The following UCK2 variants were observed in gnomAD, a reference collection of about 807,000 sequenced individuals.
UCK2 encodes uridine-cytidine kinase 2, also known as cytidine monophosphokinase 2.
UCK2 carries 6 observed loss-of-function variants against 30.8 expected under a neutral mutation model. That is an observed-to-expected ratio of 0.19 (90% CI 0.11 to 0.38). The LOEUF is 0.38. Ranked by LOEUF, UCK2 falls within the 10% of genes least tolerant of loss-of-function variation. The pLI, the probability that UCK2 is intolerant of heterozygous loss-of-function variation, is 1.00. For missense variants in UCK2, 210 were observed against 339.8 expected (o/e 0.62, Z 3.00); for synonymous variants, 125 against 133.6 (o/e 0.94, Z 0.45).
rs999364890 is a variant in UCK2, at chr1:165,836,265, A to G, written c.99+8333A>G. ...CAAAACAAAAAAAACAACCAAATGGATATGTTATACATTTTTTTGAAGAAA... is the reference window on the plus strand; with the variant it reads ...CAAAACAAAAAAAACAACCAAATGGGTATGTTATACATTTTTTTGAAGAAA... On this transcript the variant is annotated intron_variant, in intron 1 of 6. Coordinates refer to ENST00000367879, the MANE Select transcript of UCK2 (RefSeq NM_012474.5). Among the ~76,000 whole-genome samples, 6 of 152,104 alleles carry G rather than the reference A, an allele frequency of 3.9e-5. No individual in the cohort carries two copies. In the East Asian group the frequency reaches 1.2e-3, roughly 29 times the overall value.
intron 1 of UCK2, among the ~76,000 whole-genome samples, chr1:165,850,129 T>C (rs1296733209): frequency 2.6e-5 from 4 of 152,198 alleles, no homozygotes; most frequent in Non-Finnish European, 5.9e-5. Context: ...AAACTGTTTT[T>C]ATTTTTATTT....
rs1655730856 is a variant in UCK2, at chr1:165,890,188, T to G, written c.100-16T>G. On this transcript the variant is annotated splice_polypyrimidine_tract_variant and intron_variant, in intron 1 of 6. Transcript: ENST00000367879. Reference sequence around the variant, plus strand: ...CCCTTTCTCTTATTCCTGGGTGCTCTCTTCTCTCCTCACAGTCTTCCGTGT... The same window carrying G: ...CCCTTTCTCTTATTCCTGGGTGCTCGCTTCTCTCCTCACAGTCTTCCGTGT... 1 of 1,613,610 alleles carries G rather than the reference T, an allele frequency of 6.2e-7. No homozygotes were observed. The highest frequency in any genetic ancestry group is 8.5e-7 in the Non-Finnish European group (1 of 1,179,792).
At chr1:165,855,112 T>C (rs1377323712) in intron 1 of UCK2, among the ~76,000 whole-genome samples, 3 of 152,196 alleles carry the variant, frequency 2.0e-5, no homozygotes, top group Admixed American at 6.5e-5. Flanking sequence ...AGCCTATGTT[T>C]CTCCCACCCA....
At chr1:165,828,184 C>A (rs892377765) in intron 1 of UCK2, among the ~76,000 whole-genome samples, 2 of 152,076 alleles carry the variant, frequency 1.3e-5, no homozygotes, top group African/African-American at 4.8e-5. Flanking sequence ...GCTCCTCCGG[C>A]TTTTCTCCCC....
rs1045130034 is a variant in UCK2, at chr1:165,827,677, G to C, written c.-157G>C. The C allele has an allele frequency of 1.2e-5, 7 of 564,782 alleles. 1 individual carries two copies. In the Admixed American group the frequency reaches 3.1e-4, roughly 25 times the overall value. The allele number at this position is 564,782 out of a possible 1,614,324, so 35.0% of individuals were successfully genotyped here. The stretch of plus-strand genomic sequence containing the variant: ...TGGCTCCTTCGGGAAACCCAGCCCC[G>C]TCACCGGGCTCCGAGCGGCTCGCAG... On this transcript the variant is annotated 5_prime_UTR_variant, in exon 1 of 7. Transcript: ENST00000367879.
intron 2 of UCK2, 111 bp downstream of exon 2, chr1:165,890,474 G>A: frequency 9.1e-7 from 1 of 1,096,718 alleles, no homozygotes; most frequent in Non-Finnish European, 1.3e-6. Context: ...TTTCTATCTA[G>A]AACGTAGGGA....
At chr1:165,857,741 T>C (rs1654785667) in intron 1 of UCK2, among the ~76,000 whole-genome samples, 1 of 152,204 alleles carries the variant, frequency 6.6e-6, no homozygotes. Context: ...GAATGATGTC[T>C]CATTACCACT....
intron 1 of UCK2, among the ~76,000 whole-genome samples, chr1:165,849,290 GAGGTGGTC>G (rs1321444249): frequency 6.6e-6 from 1 of 152,198 alleles, no homozygotes; most frequent in African/African-American, 2.4e-5. Context: ...GAACTAGGTG[GAGGTGGTC>G]AGGTGGTGGA....
At chr1:165,869,901 G>A (rs1655152543) in intron 1 of UCK2, among the ~76,000 whole-genome samples, 1 of 151,918 alleles carries the variant, frequency 6.6e-6, no homozygotes, top group African/African-American at 2.4e-5. Context: ...TCTTCCCAAA[G>A]CACAGGAATT....
chr1:165,857,705 A>G (rs1254601843), intron 1 of UCK2, among the ~76,000 whole-genome samples: 1 of 152,212 alleles, frequency 6.6e-6, no homozygotes, highest in Non-Finnish European at 1.5e-5. Context: ...GAGGCTTGAC[A>G]GCCCTGTGTG....
chr1:165,831,352 C>A (rs1197624746), intron 1 of UCK2, among the ~76,000 whole-genome samples: 1 of 152,190 alleles, frequency 6.6e-6, no homozygotes, highest in Non-Finnish European at 1.5e-5. Flanking sequence ...CCACTGTACT[C>A]CAGACTGGGC....
Position 165,890,312 on chromosome 1 carries a change from T to G in UCK2, c.208T>G (p.Ser70Ala), listed in dbSNP as rs202192250. The change falls in exon 2 of 7, where the codon TCG (serine) becomes GCG (alanine). Residue 70 changes from serine to alanine, a missense_variant. Around this residue, in one of 4 missense-constraint regions of UCK2, gnomAD observed 75 missense variants for 124.7 expected, o/e 0.60. Coordinates refer to ENST00000367879, the MANE Select transcript of UCK2 (RefSeq NM_012474.5). ...GGATAGCTTCTACCGTGTCCTTACC[T>G]CGGAGCAGAAGGCCAAAGCCCTGAA... Reference protein sequence around the residue: ...SQDSFYRVLTSEQKAKALKGQ... With the variant: ...SQDSFYRVLTAEQKAKALKGQ... 1.1e-4 allele frequency: 184 copies of G among 1,613,952 alleles called. 1 individual carries two copies. The East Asian group carries it at 3.2e-3, about 28-fold the overall frequency.
At position 165,890,199 on chromosome 1, in the gene UCK2, C is replaced by G; in HGVS notation, c.100-5C>G. ...ATTCCTGGGTGCTCTCTTCTCTCCT[C>G]ACAGTCTTCCGTGTGTGCTAAGATC... On this transcript the variant is annotated splice_region_variant and splice_polypyrimidine_tract_variant and intron_variant, in intron 1 of 6. Transcript: ENST00000367879. The G allele has an allele frequency of 6.2e-7, 1 of 1,614,020 alleles. No individual in the cohort carries two copies. Among genetic ancestry groups the G allele is most frequent in the Admixed American group, 1.7e-5 (1 of 60,020 alleles).
intron 1 of UCK2, among the ~76,000 whole-genome samples, chr1:165,849,750 G>A (rs944833918): frequency 6.6e-6 from 1 of 152,140 alleles, no homozygotes; most frequent in Admixed American, 6.5e-5. Context: ...GAAAACCTGC[G>A]AAAATGGAGA....
chr1:165,839,723 T>C (rs1041077376), intron 1 of UCK2, among the ~76,000 whole-genome samples: 27 of 152,208 alleles, frequency 1.8e-4, no homozygotes, highest in Admixed American at 1.3e-3. Context: ...TGGCCACTTT[T>C]AATCTGTTTC....
intron 1 of UCK2, among the ~76,000 whole-genome samples, chr1:165,834,320 G>A (rs906448588): frequency 6.6e-6 from 1 of 152,014 alleles, no homozygotes; most frequent in African/African-American, 2.4e-5. Context: ...TCCTTAAAAC[G>A]AGCTAGAAAA....
At chr1:165,880,249 GTTCT>G (rs796440282) in intron 1 of UCK2, among the ~76,000 whole-genome samples, 12 of 152,310 alleles carry the variant, frequency 7.9e-5, no homozygotes, top group African/African-American at 2.4e-4. Flanking sequence ...AAGGACTTCA[GTTCT>G]TTCTTTCAGT....
intron 1 of UCK2, chr1:165,885,168 C>G (rs191718729): frequency 2.6e-6 from 1 of 379,540 alleles, no homozygotes; most frequent in Non-Finnish European, 4.7e-6. Context: ...TGGAGAACAT[C>G]GGGGTGAATG....
chr1:165,842,751 G>A (rs1048276738), intron 1 of UCK2, among the ~76,000 whole-genome samples: 29 of 152,128 alleles, frequency 1.9e-4, no homozygotes, highest in Non-Finnish European at 2.4e-4. Flanking sequence ...CCTGTCCGTC[G>A]GGTACATTCT....
Sources: gnomAD v4.1 joint callset for allele counts (sites outside exome capture counted in the v4.1 genomes callset) on GRCh38, gnomAD v4.1.1 for gene constraint, gnomAD v4.1.1 regional missense constraint, MANE v1.5 for transcripts, NCBI Gene and HGNC (gene_info 2026-07-23, HGNC 2026-07-21) for gene names.